Variants in LIPC observed in about 807,000 individuals in gnomAD.
LIPC encodes lipase C, hepatic type.
Under a neutral mutation model 50.7 loss-of-function variants are expected in LIPC, and 44 were observed. The observed-to-expected ratio is 0.87, with a 90% CI of 0.68 to 1.11. The LOEUF (loss-of-function observed/expected upper bound fraction) is 1.11. LIPC is among the 50% of genes most tolerant of loss of function. The pLI is 0.00. For synonymous variants in LIPC, 271 were observed against 256.4 expected, an observed-to-expected ratio of 1.06 and a Z score of -0.54; for missense variants, 697 against 648.2, an observed-to-expected ratio of 1.08 and a Z score of -0.82.
At chr15:58,519,306 G>A (rs1392577092) in intron 1 of LIPC, among the ~76,000 whole-genome samples, 1 of 151,674 alleles carries the variant, frequency 6.6e-6, no homozygotes, top group Admixed American at 6.6e-5. Context: ...AGCTACTCGG[G>A]AGGCCAAAGC....
At chr15:58,485,440 C>T (rs1004345888) in intron 1 of LIPC, among the ~76,000 whole-genome samples, 2 of 152,154 alleles carry the variant, frequency 1.3e-5, no homozygotes, top group Admixed American at 6.5e-5. Flanking sequence ...GAAGAAAGTC[C>T]CGTGCAACAG....
intron 1 of LIPC, among the ~76,000 whole-genome samples, chr15:58,441,506 C>T (rs1332492093): frequency 6.6e-6 from 1 of 152,044 alleles, no homozygotes; most frequent in Non-Finnish European, 1.5e-5. Context: ...ATTCTTATTC[C>T]CATTTTAGAG....
Position 58,548,355 on chromosome 15 carries a change from C to G in LIPC, c.834C>G (p.Ser278=). ...CCATCACCCAGACCATAAAATGCTC[C>G]CACGAGCGATCGGTGCACCTTTTCA... is the stretch of plus-strand genomic sequence containing the variant. ...FNAITQTIKC[S]HERSVHLFID... is the part of the protein sequence containing the mutation. Residue 278 remains serine (S), a synonymous_variant, in exon 6 of 9, where the codon TCC becomes TCG. Coordinates refer to ENST00000299022, the MANE Select transcript of LIPC (RefSeq NM_000236.3). 1 of 1,614,108 alleles carries G rather than the reference C, an allele frequency of 6.2e-7. No homozygotes were observed. The highest frequency in any genetic ancestry group is 8.5e-7 in the Non-Finnish European group (1 of 1,180,020).
At chr15:58,533,270 C>T in intron 1 of LIPC, 3 of 621,518 alleles carry the variant, frequency 4.8e-6, no homozygotes, top group Non-Finnish European at 4.0e-6. Flanking sequence ...ATCCTTTCCT[C>T]ACAGCTTATC....
intron 1 of LIPC, among the ~76,000 whole-genome samples, chr15:58,505,249 A>C (rs981868459): frequency 7.2e-5 from 11 of 152,234 alleles, no homozygotes; most frequent in African/African-American, 2.7e-4. Flanking sequence ...GCCACATGCC[A>C]ACTCCAGCCT....
chr15:58,491,589 A>G (rs1369606971), intron 1 of LIPC, among the ~76,000 whole-genome samples: 1 of 152,166 alleles, frequency 6.6e-6, no homozygotes, highest in African/African-American at 2.4e-5. Context: ...TTCCTAAATG[A>G]TATCTCTGCC....
chr15:58,446,565 T>G (rs1893701086), intron 1 of LIPC, among the ~76,000 whole-genome samples: 1 of 152,210 alleles, frequency 6.6e-6, no homozygotes, highest in South Asian at 2.1e-4. Context: ...TCTGAGGTTG[T>G]GAGCATCTTG....
intron 1 of LIPC, among the ~76,000 whole-genome samples, chr15:58,534,755 C>T (rs1451606636): frequency 6.6e-6 from 1 of 152,166 alleles, no homozygotes; most frequent in Admixed American, 6.5e-5. Flanking sequence ...AAATCTGTGG[C>T]CCATCTTCAG....
At chr15:58,563,851 A>G in intron 8 of LIPC, 128 bp downstream of exon 8, 1 of 821,650 alleles carries the variant, frequency 1.2e-6, no homozygotes, top group Admixed American at 2.0e-5. Context: ...GGAGTACAGA[A>G]GCTCAGAAAG....
intron 1 of LIPC, among the ~76,000 whole-genome samples, chr15:58,466,485 A>T (rs1394635632): frequency 3.9e-5 from 6 of 152,236 alleles, no homozygotes; most frequent in Admixed American, 6.5e-5. Flanking sequence ...AAATCCATCA[A>T]TAGATCACAT....
intron 1 of LIPC, among the ~76,000 whole-genome samples, chr15:58,463,459 A>G (rs1174395904): frequency 1.3e-5 from 2 of 152,122 alleles, no homozygotes; most frequent in African/African-American, 4.8e-5. Flanking sequence ...GCTGTGCTAT[A>G]TCCACAATGC....
chr15:58,433,494 A>G (rs556333232), intron 1 of LIPC, among the ~76,000 whole-genome samples: 1 of 152,328 alleles, frequency 6.6e-6, no homozygotes, highest in African/African-American at 2.4e-5. Flanking sequence ...TTCGTTCGAC[A>G]TTATGTTTGT....
intron 1 of LIPC, among the ~76,000 whole-genome samples, chr15:58,506,502 C>G (rs1261185978): frequency 1.3e-5 from 2 of 152,186 alleles, no homozygotes; most frequent in Admixed American, 6.5e-5. Flanking sequence ...GCAAAGGTGG[C>G]CCAAACCACT....
rs936960 is a variant in LIPC at position 58,459,678 on chromosome 15, T to A, written c.88+27558T>A. Among the ~76,000 whole-genome samples, 5 of 152,192 alleles carry A rather than the reference T, an allele frequency of 3.3e-5. No individual in the cohort carries two copies. In the South Asian group the frequency reaches 1.0e-3, roughly 31 times the overall value. On this transcript the variant is annotated intron_variant, in intron 1 of 8. Coordinates refer to ENST00000299022, the MANE Select transcript of LIPC (RefSeq NM_000236.3). ...CATAGGGTGTGGCCCACACTGGGATTGAAAATCAGCCTCGTGCTCTGCACC... is the reference window on the plus strand; with the variant it reads ...CATAGGGTGTGGCCCACACTGGGATAGAAAATCAGCCTCGTGCTCTGCACC...
At chr15:58,451,093 C>G (rs1893883861) in intron 1 of LIPC, among the ~76,000 whole-genome samples, 1 of 152,124 alleles carries the variant, frequency 6.6e-6, no homozygotes, top group Non-Finnish European at 1.5e-5. Context: ...GCCTAGTGGA[C>G]TGGGCAAGCA....
Position 58,546,117 on chromosome 15 carries a change from C to A in LIPC, c.808+142C>A, listed in dbSNP as rs1893520953. The A allele has an allele frequency of 3.6e-5, 28 of 771,356 alleles. 2 individuals are homozygous for A. The South Asian group carries it at 4.1e-4, about 11-fold the overall frequency. The allele number at this position is 771,356 out of a possible 1,614,324, so 47.8% of individuals were successfully genotyped here. A position where few individuals can be genotyped will look rare whatever the true frequency, so the allele number is the denominator to read the frequency against. ...CAGGGTGTATGGTCACCAAGCCCAC[C>A]CAGAGAGAAGGAATGCTGGAGTGGG... On this transcript the variant is annotated intron_variant, in intron 5 of 8. Coordinates refer to ENST00000299022, the MANE Select transcript of LIPC (RefSeq NM_000236.3).
chr15:58,530,961 G>T (rs41292500), intron 1 of LIPC, among the ~76,000 whole-genome samples: 1 of 152,170 alleles, frequency 6.6e-6, no homozygotes, highest in African/African-American at 2.4e-5. Context: ...GAATAAAGCT[G>T]CCATGAACAT....
At chr15:58,527,189 T>A (rs771799502) in intron 1 of LIPC, among the ~76,000 whole-genome samples, 28 of 152,156 alleles carry the variant, frequency 1.8e-4, no homozygotes, top group Non-Finnish European at 3.8e-4. Flanking sequence ...TGCGGAGAAA[T>A]CGAATTCTGG....
chr15:58,450,331 C>T lies in LIPC; in HGVS notation c.88+18211C>T, dbSNP rs148142596. On this transcript the variant is annotated intron_variant, in intron 1 of 8. Transcript: ENST00000299022. The stretch of plus-strand genomic sequence containing the variant: ...CTCCTGATTCAATAGGCCTAGGGTG[C>T]GGCCCAGGAATGTGCATTTCTAACG... Among the ~76,000 whole-genome samples the T allele has an allele frequency of 9.7e-3, 1,477 of 152,208 alleles. 19 individuals carry two copies. Among genetic ancestry groups the T allele is most frequent in the African/African-American group, 0.034 (1,416 of 41,510 alleles).
Sources: gnomAD v4.1 joint callset for allele counts (sites outside exome capture counted in the v4.1 genomes callset) on GRCh38, gnomAD v4.1.1 for gene constraint, MANE v1.5 for transcripts, NCBI Gene and HGNC (gene_info 2026-07-23, HGNC 2026-07-21) for gene names.